Variants in PLA2G4E observed in about 807,000 individuals in gnomAD.
The protein encoded by PLA2G4E is phospholipase A2 group IVE.
In PLA2G4E, 84 loss-of-function variants were observed where a neutral mutation model predicts 109.1. The observed-to-expected ratio is 0.77, with a 90% CI of 0.65 to 0.92. The LOEUF is 0.92. Ranked by LOEUF, PLA2G4E falls within the 40% of genes least tolerant of loss-of-function variation. PLA2G4E has a pLI of 0.00. For synonymous variants in PLA2G4E, 469 were observed against 436.1 expected (o/e 1.08, Z -0.94); for missense variants, 1,057 against 1,076.6 (o/e 0.98, Z 0.25).
At chr15:42,003,906 C>CTTCCT (rs2068446828) in intron 5 of PLA2G4E, among the ~76,000 whole-genome samples, 1 of 150,940 alleles carries the variant, frequency 6.6e-6, no homozygotes, top group African/African-American at 2.4e-5. Flanking sequence ...CCTTGCTTTC[C>CTTCCT]TTCCTTCCTT....
At chr15:41,995,307 G>A in intron 12 of PLA2G4E, 53 bp downstream of exon 12, 1 of 1,589,606 alleles carries the variant, frequency 6.3e-7, no homozygotes, top group Non-Finnish European at 8.6e-7. Flanking sequence ...CCCCAGGCCA[G>A]CCTGTTCGTG....
rs192691171 is a variant in PLA2G4E at position 42,016,011 on chromosome 15, A to G, written c.184-2254T>C. 5.9e-5 allele frequency among the ~76,000 whole-genome samples: 9 copies of G among 152,298 alleles called. No homozygotes were observed. In the East Asian group the frequency reaches 1.7e-3, roughly 29 times the overall value. ...TCCATTCCCAGCCTGAGCTCACGGT[A>G]AATGCCTACCAACCGAATGTCTGTA... On this transcript the variant is annotated intron_variant, in intron 1 of 19. Transcript: ENST00000399518.
intron 11 of PLA2G4E, among the ~76,000 whole-genome samples, chr15:41,996,042 C>T (rs930295223): frequency 6.6e-6 from 1 of 152,066 alleles, no homozygotes; most frequent in African/African-American, 2.4e-5. Flanking sequence ...TAAGAGGCCC[C>T]TGGAATGTTT....
intron 1 of PLA2G4E, among the ~76,000 whole-genome samples, chr15:42,039,221 A>C (rs1889272784): frequency 6.6e-6 from 1 of 152,058 alleles, no homozygotes; most frequent in South Asian, 2.1e-4. Context: ...AAGTAATTAC[A>C]CTCTTGGAAA....
At chr15:42,015,270 G>A (rs886733629) in intron 1 of PLA2G4E, among the ~76,000 whole-genome samples, 2 of 152,088 alleles carry the variant, frequency 1.3e-5, no homozygotes, top group African/African-American at 4.8e-5. Context: ...TCTTCCAGCC[G>A]CACCAGCTTC....
At chr15:42,027,069 T>C (rs2068699120) in intron 1 of PLA2G4E, among the ~76,000 whole-genome samples, 1 of 151,948 alleles carries the variant, frequency 6.6e-6, no homozygotes, top group African/African-American at 2.4e-5. Flanking sequence ...TGTGAGAGCA[T>C]GGCTGGAAGC....
chr15:42,000,268 C>T, exon 8 of PLA2G4E: 3 of 1,569,854 alleles, frequency 1.9e-6, no homozygotes, highest in Non-Finnish European at 2.6e-6. Context: ...TTCACCATCA[C>T]CAGGAGGTCC....
exon 2 of PLA2G4E, chr15:42,013,734 C>T (rs943122986): frequency 1.3e-6 from 2 of 1,550,530 alleles, no homozygotes; most frequent in African/African-American, 2.7e-5. Context: ...TCACTGTCAA[C>T]AGGTGGCATG....
chr15:42,015,588 A>T (rs1017073492), intron 1 of PLA2G4E, among the ~76,000 whole-genome samples: 1 of 152,222 alleles, frequency 6.6e-6, no homozygotes, highest in Non-Finnish European at 1.5e-5. Context: ...ACTGTGTGCC[A>T]GGCCCTATGC....
chr15:41,997,484 C>T, intron 10 of PLA2G4E: 1 of 395,200 alleles, frequency 2.5e-6, no homozygotes, highest in Non-Finnish European at 4.4e-6. Context: ...CCCCCAAAGC[C>T]TTAGCTGGCA....
At chr15:42,035,540 A>T (rs1233006637) in intron 1 of PLA2G4E, among the ~76,000 whole-genome samples, 1 of 152,224 alleles carries the variant, frequency 6.6e-6, no homozygotes, top group Non-Finnish European at 1.5e-5. Context: ...GGCAGGCAGG[A>T]TGGGGCAGGC....
exon 20 of PLA2G4E, chr15:41,983,875 G>A (rs535661863): frequency 1.9e-6 from 3 of 1,613,406 alleles, no homozygotes; most frequent in East Asian, 2.2e-5. Flanking sequence ...CTTGTCAAAG[G>A]TGGCCTCTGT....
chr15:41,998,456 G>C (rs1464476781), intron 10 of PLA2G4E: 1 of 152,172 alleles, frequency 6.6e-6, no homozygotes, highest in African/African-American at 2.4e-5. Flanking sequence ...CAGGATCCTT[G>C]TTATTCTCCC....
chr15:42,019,726 A>AT (rs1464946211), intron 1 of PLA2G4E, among the ~76,000 whole-genome samples: 1 of 152,206 alleles, frequency 6.6e-6, no homozygotes, highest in African/African-American at 2.4e-5. Flanking sequence ...TCTGAGCAAC[A>AT]TCCCAGACTA....
intron 15 of PLA2G4E, 104 bp downstream of exon 15, chr15:41,989,311 A>T: frequency 6.7e-7 from 1 of 1,487,206 alleles, no homozygotes; most frequent in South Asian, 1.3e-5. Flanking sequence ...AGGATGAGAC[A>T]ATGCTGGCAA....
chr15:42,039,537 GTA>G (rs10635761), intron 1 of PLA2G4E, among the ~76,000 whole-genome samples: 4 of 151,066 alleles, frequency 2.6e-5, no homozygotes, highest in African/African-American at 7.3e-5. Flanking sequence ...GTATGTGTAC[GTA>G]TATATATATA....
At chr15:41,990,543 G>C (rs1309741172) in intron 13 of PLA2G4E, among the ~76,000 whole-genome samples, 3 of 152,010 alleles carry the variant, frequency 2.0e-5, no homozygotes, top group Admixed American at 6.5e-5. Flanking sequence ...GGTGGGAGAG[G>C]CTAGCACTGC....
At chr15:41,995,810 T>C (rs895891199) in intron 11 of PLA2G4E, among the ~76,000 whole-genome samples, 1 of 152,304 alleles carries the variant, frequency 6.6e-6, no homozygotes, top group Non-Finnish European at 1.5e-5. Context: ...TAACAGGTGA[T>C]AAAACTGGGG....
chr15:42,013,547 C>A, intron 2 of PLA2G4E, 138 bp downstream of exon 2: 1 of 751,862 alleles, frequency 1.3e-6, no homozygotes. Flanking sequence ...CATGCACACA[C>A]ATACACGTAT....
Sources: allele counts gnomAD v4.1 joint callset (sites outside exome capture counted in the v4.1 genomes callset), GRCh38; gene constraint gnomAD v4.1.1; transcripts MANE v1.5; gene names NCBI Gene and HGNC (gene_info 2026-07-23, HGNC 2026-07-21).